Variants in SLC6A6 observed in about 807,000 individuals in gnomAD.
The protein encoded by SLC6A6 is solute carrier family 6 member 6.
In SLC6A6, 16 loss-of-function variants were observed where a neutral mutation model predicts 68.8. The ratio of observed to expected loss-of-function variants is 0.23; its 90% CI spans 0.16 to 0.35. The LOEUF (loss-of-function observed/expected upper bound fraction) is 0.35, where lower values mean the gene tolerates loss of function less well. Among genes scored for constraint, SLC6A6 ranks in the 10% least tolerant of loss-of-function variants. The pLI is 1.00. For missense variants in SLC6A6, 474 were observed against 802.8 expected (o/e 0.59, Z 4.95); for synonymous variants, 312 against 315.4 (o/e 0.99, Z 0.12).
At chr3:14,448,653 A>T (rs1700187711) in intron 5 of SLC6A6, among the ~76,000 whole-genome samples, 2 of 152,226 alleles carry the variant, frequency 1.3e-5, no homozygotes, top group Non-Finnish European at 2.9e-5. Context: ...CCCAGATTCA[A>T]GAGGTGGAGG....
chr3:14,447,502 T>C, intron 4 of SLC6A6, 80 bp from the exon 5 acceptor site: 6 of 1,572,076 alleles, frequency 3.8e-6, no homozygotes, highest in Non-Finnish European at 5.2e-6. Context: ...GGGGATACCA[T>C]GGCCTTCCAG....
chr3:14,433,665 G>A (rs1292127698), intron 2 of SLC6A6, among the ~76,000 whole-genome samples: 1 of 152,030 alleles, frequency 6.6e-6, no homozygotes, highest in Non-Finnish European at 1.5e-5. Context: ...TTAGCTGGGC[G>A]TGGTGGCAGG....
rs1699013912 is a variant in SLC6A6, at chr3:14,402,798, G to A, written c.-103G>A. 2 of 397,872 alleles carry A rather than the reference G, an allele frequency of 5.0e-6. No individual in the cohort carries two copies. The highest frequency in any genetic ancestry group is 4.4e-5 in the Admixed American group (1 of 22,682). 24.6% of individuals were successfully genotyped at this position (397,872 alleles called of 1,614,324 possible). On this transcript the variant is annotated 5_prime_UTR_variant, in exon 1 of 15. Transcript: ENST00000622186. This position sits in a 1 kb window ranked among gnomAD's most constrained non-coding sequence, Gnocchi z 4.8. ...AGCGGGCAGGCAGCCCCCGGCCGGC[G>A]GAACCCGGCACAGCCGAGCAGAGCG...
chr3:14,451,034 CCATG>C (rs1042042631), intron 5 of SLC6A6, among the ~76,000 whole-genome samples: 1 of 152,214 alleles, frequency 6.6e-6, no homozygotes, highest in African/African-American at 2.4e-5. Context: ...ACTGTCACCC[CCATG>C]GGACCCCCAT....
intron 5 of SLC6A6, among the ~76,000 whole-genome samples, chr3:14,453,347 G>A (rs3773182): frequency 0.42 from 63,201 of 152,084 alleles, 13,383 homozygotes; most frequent in African/African-American, 0.47. Context: ...TCCTCCCTCT[G>A]TATGAGACAG....
intron 1 of SLC6A6, among the ~76,000 whole-genome samples, chr3:14,403,177 CTG>C (rs1314680060): frequency 1.3e-5 from 2 of 151,722 alleles, no homozygotes; most frequent in African/African-American, 4.8e-5. Context: ...CTCCGTATCC[CTG>C]TGTCTGTGTT....
At chr3:14,462,677 C>T (rs1700523080) in intron 6 of SLC6A6, among the ~76,000 whole-genome samples, 1 of 151,562 alleles carries the variant, frequency 6.6e-6, no homozygotes, top group South Asian at 2.1e-4. Flanking sequence ...CTAGCATGGG[C>T]GACAGAGACC....
At chr3:14,463,612 G>A (rs959345891) in intron 6 of SLC6A6, among the ~76,000 whole-genome samples, 11 of 152,348 alleles carry the variant, frequency 7.2e-5, no homozygotes, top group South Asian at 2.1e-4. Context: ...TGGTCGGGGC[G>A]CCTGGCCGCC....
Position 14,418,330 on chromosome 3 carries a change from G to A in SLC6A6, c.-12+1877G>A, listed in dbSNP as rs562432314. Among the ~76,000 whole-genome samples the A allele has an allele frequency of 2.6e-5, 4 of 152,282 alleles. 1 individual carries two copies. Among genetic ancestry groups the A allele is most frequent in the East Asian group, 3.9e-4 (2 of 5,188 alleles). On this transcript the variant is annotated intron_variant, in intron 2 of 14. Transcript: ENST00000622186. ...CCTGTGAAGCCGGGACTAGGCAAGC[G>A]TTTGTTTGTGGCCCAGAGCTCCTCA...
intron 10 of SLC6A6, among the ~76,000 whole-genome samples, chr3:14,473,214 C>G (rs1251215253): frequency 6.6e-6 from 1 of 152,170 alleles, no homozygotes; most frequent in East Asian, 1.9e-4. Context: ...TTGACAGGGT[C>G]TTGTTGAAAC....
At chr3:14,469,621 G>A (rs1278467735) in intron 9 of SLC6A6, among the ~76,000 whole-genome samples, 3 of 152,140 alleles carry the variant, frequency 2.0e-5, no homozygotes, top group African/African-American at 2.4e-5. Context: ...CTTGTCACAC[G>A]CTGGACAGGC....
At chr3:14,421,690 C>T (rs1699489216) in intron 2 of SLC6A6, among the ~76,000 whole-genome samples, 2 of 152,210 alleles carry the variant, frequency 1.3e-5, no homozygotes, top group African/African-American at 2.4e-5. Flanking sequence ...AGCTTTGATA[C>T]CTACATCATC....
intron 1 of SLC6A6, among the ~76,000 whole-genome samples, chr3:14,406,677 T>C (rs1377673778): frequency 3.3e-5 from 5 of 152,168 alleles, no homozygotes; most frequent in African/African-American, 1.2e-4. Context: ...CTTTCCTGCC[T>C]TACCTGGTCA....
At chr3:14,459,688 C>T (rs1700451696) in intron 6 of SLC6A6, among the ~76,000 whole-genome samples, 1 of 152,106 alleles carries the variant, frequency 6.6e-6, no homozygotes, top group African/African-American at 2.4e-5. Flanking sequence ...CACAAGCACA[C>T]CATTTTATTC....
intron 5 of SLC6A6, among the ~76,000 whole-genome samples, chr3:14,453,394 C>G (rs917536200): frequency 1.8e-4 from 28 of 152,218 alleles, no homozygotes; most frequent in African/African-American, 6.3e-4. Context: ...CTTGCCAAGG[C>G]CAGCACCATG....
intron 14 of SLC6A6, among the ~76,000 whole-genome samples, chr3:14,482,201 A>G (rs1701024920): frequency 6.6e-6 from 1 of 152,196 alleles, no homozygotes. Context: ...CTGGGGCTTT[A>G]TCCTGGGACC....
intron 5 of SLC6A6, among the ~76,000 whole-genome samples, chr3:14,449,507 G>T (rs751358325): frequency 9.2e-5 from 14 of 152,182 alleles, no homozygotes; most frequent in Non-Finnish European, 7.4e-5. Flanking sequence ...CTGGACACTG[G>T]CACTCAGCCA....
intron 2 of SLC6A6, among the ~76,000 whole-genome samples, chr3:14,429,044 A>C (rs1433086460): frequency 1.3e-5 from 2 of 151,450 alleles, no homozygotes; most frequent in African/African-American, 2.4e-5. Context: ...GCACCCCCCT[A>C]CCCCCAGGAA....
At chr3:14,475,865 C>T (rs1700867694) in intron 10 of SLC6A6, among the ~76,000 whole-genome samples, 1 of 152,214 alleles carries the variant, frequency 6.6e-6, no homozygotes, top group African/African-American at 2.4e-5. Flanking sequence ...TTGAGAGCCT[C>T]CTGCTCGTCT....
Sources: gnomAD v4.1 joint callset for allele counts (sites outside exome capture counted in the v4.1 genomes callset) on GRCh38, gnomAD v4.1.1 for gene constraint, Gnocchi (gnomAD v3.1) non-coding constraint, MANE v1.5 for transcripts, NCBI Gene and HGNC (gene_info 2026-07-23, HGNC 2026-07-21) for gene names.